The following SYN3 variants were observed in gnomAD, a reference collection of about 807,000 sequenced individuals.
SYN3 encodes synapsin III.
A neutral mutation model predicts 65.8 loss-of-function variants in SYN3; 35 were observed. That is an observed-to-expected ratio of 0.53 (90% confidence interval 0.41 to 0.70). The LOEUF is 0.70. SYN3 is among the 30% of genes least tolerant of loss of function. The pLI is 0.00. For missense variants in SYN3, 680 were observed against 749.0 expected (o/e 0.91, Z 1.08); for synonymous variants, 270 against 292.9 (o/e 0.92, Z 0.80).
chr22:32,554,762 G>T (rs1046279625), intron 7 of SYN3, among the ~76,000 whole-genome samples: 1 of 152,156 alleles, frequency 6.6e-6, no homozygotes, highest in African/African-American at 2.4e-5. Context: ...TCTCGCCATT[G>T]CTCCATCTGC....
chr22:32,709,900 C>T (rs984439956), intron 6 of SYN3, among the ~76,000 whole-genome samples: 2 of 151,876 alleles, frequency 1.3e-5, no homozygotes, highest in Admixed American at 1.3e-4. Context: ...TGGTTTATTT[C>T]ACTAATCGGA....
At chr22:32,753,537 CA>C (rs1306485048) in intron 6 of SYN3, among the ~76,000 whole-genome samples, 21 of 152,226 alleles carry the variant, frequency 1.4e-4, no homozygotes, top group African/African-American at 4.8e-4. Flanking sequence ...CTTAGCCCAC[CA>C]GAGACCTTCA....
In SYN3 at chr22:32,712,096, C is replaced by T. The variant is rs541511580; in HGVS notation, c.712-115360G>A. ...CGAAGATTAAACCCATCTCTGCTGC[C>T]GAGCAGGAAGAATTTCACCTTGACT... On this transcript the variant is annotated intron_variant, in intron 6 of 13. Transcript: ENST00000358763. Among the ~76,000 whole-genome samples the T allele has an allele frequency of 2.9e-4, 44 of 152,260 alleles. 1 individual carries two copies. Among genetic ancestry groups the T allele is most frequent in the African/African-American group, 8.7e-4 (36 of 41,556 alleles).
At chr22:32,838,814 T>C (rs1039030848) in intron 6 of SYN3, among the ~76,000 whole-genome samples, 1 of 151,972 alleles carries the variant, frequency 6.6e-6, no homozygotes, top group Admixed American at 6.6e-5. Context: ...CATTCATTCA[T>C]TCAACATTTT....
At chr22:32,888,807 A>G (rs241894) in intron 4 of SYN3, among the ~76,000 whole-genome samples, 1 of 152,032 alleles carries the variant, frequency 6.6e-6, no homozygotes, top group Non-Finnish European at 1.5e-5. Flanking sequence ...GATTTTTTTC[A>G]TTAGGGTTGC....
chr22:32,627,895 C>T (rs2059691893), intron 6 of SYN3, among the ~76,000 whole-genome samples: 1 of 152,182 alleles, frequency 6.6e-6, no homozygotes, highest in African/African-American at 2.4e-5. Flanking sequence ...GTGGCACCAT[C>T]TCGGCTCACT....
chr22:32,510,854 T>A lies in SYN3; in HGVS notation c.*2838A>T, dbSNP rs2057682845. Among the ~76,000 whole-genome samples the A allele has an allele frequency of 6.6e-6, 1 of 151,938 alleles. No homozygotes were observed. The highest frequency in any genetic ancestry group is 2.4e-5 in the African/African-American group (1 of 41,286). ...TTCATCGTGTGACTTATACTAGTGA[T>A]CCCTATCTTCTTGGGGGCAAGTGGG... On this transcript the variant is annotated 3_prime_UTR_variant, in exon 14 of 14. Transcript: ENST00000358763.
chr22:32,783,838 C>T lies in SYN3; in HGVS notation c.711+81077G>A, dbSNP rs556943109. On this transcript the variant is annotated intron_variant, in intron 6 of 13. Transcript: ENST00000358763. ...TGGCACAAACCAATCTCATCTTTGGCATGAATTCTGCAGCCAAACTGCCTG... is the reference window on the plus strand; with the variant it reads ...TGGCACAAACCAATCTCATCTTTGGTATGAATTCTGCAGCCAAACTGCCTG... Among the ~76,000 whole-genome samples, 163 of 152,340 alleles carry T rather than the reference C, an allele frequency of 1.1e-3. No homozygotes were observed. In the Middle Eastern group the frequency reaches 0.031, roughly 29 times the overall value.
chr22:32,876,345 T>C (rs1373408685), intron 4 of SYN3, among the ~76,000 whole-genome samples: 13 of 152,088 alleles, frequency 8.5e-5, no homozygotes, highest in Admixed American at 8.5e-4. Context: ...TCAACATAAA[T>C]TTTGGGGGGA....
intron 4 of SYN3, among the ~76,000 whole-genome samples, chr22:32,875,423 C>A (rs1299994635): frequency 6.6e-6 from 1 of 152,196 alleles, no homozygotes; most frequent in Non-Finnish European, 1.5e-5. Context: ...TCTGTCCTTG[C>A]TCTATCCTCT....
rs550840077 is a variant in SYN3, at chr22:32,847,364, G to A, written c.711+17551C>T. On this transcript the variant is annotated intron_variant, in intron 6 of 13. Transcript: ENST00000358763. ...TGGCCTGGGATCTTGCCAACCTCTC[G>A]TTTTTACAGCAGACTTGGAAACAAC... 7.2e-5 allele frequency among the ~76,000 whole-genome samples: 11 copies of A among 152,288 alleles called. No individual in the cohort carries two copies. In the East Asian group the frequency reaches 1.7e-3, roughly 24 times the overall value.
At position 32,801,487 on chromosome 22, in the gene SYN3, C is replaced by G. The variant is rs1424350318; in HGVS notation, c.711+63428G>C. 2.0e-5 allele frequency among the ~76,000 whole-genome samples: 3 copies of G among 152,212 alleles called. No homozygotes were observed. Among genetic ancestry groups the G allele is most frequent in the Admixed American group, 6.5e-5 (1 of 15,292 alleles). On this transcript the variant is annotated intron_variant, in intron 6 of 13. Coordinates refer to ENST00000358763, the MANE Select transcript of SYN3 (RefSeq NM_003490.4). This position sits in a 1 kb window ranked among gnomAD's most constrained non-coding sequence, Gnocchi z 4.7. ...GGTCCCGGGCGCGCCCCAGCCCACC[C>G]ACTCGCGTGCCCACGGCGGCATTAT...
intron 1 of SYN3, among the ~76,000 whole-genome samples, chr22:33,053,094 G>T (rs757058725): frequency 5.9e-5 from 9 of 152,122 alleles, no homozygotes; most frequent in Non-Finnish European, 1.3e-4. Flanking sequence ...ACTGAACAAT[G>T]GCTCCATATC....
chr22:32,890,941 G>A (rs2049429075), intron 4 of SYN3, among the ~76,000 whole-genome samples: 1 of 152,120 alleles, frequency 6.6e-6, no homozygotes, highest in African/African-American at 2.4e-5. Flanking sequence ...AGACCCCCTT[G>A]CAGCTGGGAG....
chr22:32,563,073 A>G (rs1306456712), intron 7 of SYN3, among the ~76,000 whole-genome samples: 1 of 152,246 alleles, frequency 6.6e-6, no homozygotes, highest in African/African-American at 2.4e-5. Flanking sequence ...GAGTCAGAGC[A>G]TGTGGCTTTC....
rs144398288 is a variant in SYN3, at chr22:32,788,234, G to T, written c.711+76681C>A. 1.8e-3 allele frequency among the ~76,000 whole-genome samples: 254 copies of T among 140,908 alleles called. 4 individuals are homozygous for T. In the East Asian group the frequency reaches 0.025, roughly 14 times the overall value. 92.4% of individuals were successfully genotyped at this position (140,908 alleles called of 152,430 possible). ...AACAAACAATAAAAAATAACAATAC[G>T]ACTATATTAAAAAAAACATGAATTT... On this transcript the variant is annotated intron_variant, in intron 6 of 13. Transcript: ENST00000358763.
intron 7 of SYN3, among the ~76,000 whole-genome samples, chr22:32,575,394 G>A (rs946774508): frequency 1.8e-4 from 27 of 152,270 alleles, no homozygotes; most frequent in East Asian, 3.9e-4. Flanking sequence ...CATGACAGAC[G>A]TGTTCTGGCG....
chr22:32,981,817 T>C (rs926821052), intron 2 of SYN3, among the ~76,000 whole-genome samples: 65 of 152,300 alleles, frequency 4.3e-4, no homozygotes, highest in Middle Eastern at 3.4e-3. Context: ...TTATAGTGTT[T>C]TATCCATATT....
intron 2 of SYN3, among the ~76,000 whole-genome samples, chr22:32,998,929 G>C (rs1353551629): frequency 2.0e-5 from 3 of 152,056 alleles, no homozygotes; most frequent in Admixed American, 1.3e-4. Flanking sequence ...CCTCCACCGT[G>C]TGTTCTGTGT....
Sources: gnomAD v4.1 joint callset for allele counts (sites outside exome capture counted in the v4.1 genomes callset) on GRCh38, gnomAD v4.1.1 for gene constraint, Gnocchi (gnomAD v3.1) non-coding constraint, MANE v1.5 for transcripts, NCBI Gene and HGNC (gene_info 2026-07-23, HGNC 2026-07-21) for gene names.